GSK3B: variants seen among roughly 807,000 people sequenced by gnomAD.
GSK3B encodes the protein glycogen synthase kinase-3 beta.
A neutral mutation model predicts 56.4 loss-of-function variants in GSK3B; 15 were observed. The observed-to-expected ratio is 0.27, with a 90% CI of 0.18 to 0.41. The LOEUF (loss-of-function observed/expected upper bound fraction) is 0.41. Ranked by LOEUF, GSK3B falls within the 10% of genes least tolerant of loss-of-function variation. The probability of loss-of-function intolerance (pLI) is 1.00; values close to 1 mark genes in which losing one functional copy is unlikely to be tolerated. For missense variants in GSK3B, 300 were observed against 513.4 expected, an observed-to-expected ratio of 0.58 and a Z score of 4.02; for synonymous variants, 181 against 188.9, an observed-to-expected ratio of 0.96 and a Z score of 0.34.
At chr3:119,861,614 A>G (rs2056104359) in intron 9 of GSK3B, among the ~76,000 whole-genome samples, 1 of 152,226 alleles carries the variant, frequency 6.6e-6, no homozygotes, top group Non-Finnish European at 1.5e-5. Context: ...TTTATTGCAT[A>G]GAAACACTGT....
intron 3 of GSK3B, among the ~76,000 whole-genome samples, chr3:119,929,320 A>AT (rs2056920567): frequency 6.6e-6 from 1 of 152,174 alleles, no homozygotes; most frequent in South Asian, 2.1e-4. Context: ...TGTCAAAACC[A>AT]TTTTTTTAAC....
At chr3:120,029,784 T>A in intron 1 of GSK3B, 2 of 554,612 alleles carry the variant, frequency 3.6e-6, no homozygotes, top group South Asian at 2.8e-5. Context: ...TCATTAACTG[T>A]TTTGGAAGAA....
chr3:119,864,485 G>A (rs773615666), intron 8 of GSK3B, among the ~76,000 whole-genome samples: 4 of 152,138 alleles, frequency 2.6e-5, no homozygotes, highest in Non-Finnish European at 4.4e-5. Context: ...ATAAACAGAC[G>A]AGAAGCCTTT....
At chr3:119,983,051 T>C (rs910316611) in intron 2 of GSK3B, among the ~76,000 whole-genome samples, 3 of 152,186 alleles carry the variant, frequency 2.0e-5, no homozygotes, top group African/African-American at 7.2e-5. Flanking sequence ...GAGGCCAATA[T>C]TCAAAATTCT....
At chr3:119,953,937 A>G (rs2057184129) in intron 2 of GSK3B, among the ~76,000 whole-genome samples, 1 of 152,098 alleles carries the variant, frequency 6.6e-6, no homozygotes, top group Non-Finnish European at 1.5e-5. Flanking sequence ...CAGTTCATTG[A>G]TGTTATATAA....
intron 2 of GSK3B, among the ~76,000 whole-genome samples, chr3:119,969,248 C>T (rs556610351): frequency 1.4e-4 from 21 of 150,896 alleles, no homozygotes; most frequent in African/African-American, 4.6e-4. Context: ...GCCGAGATTG[C>T]GCCAACGTAC....
chr3:120,050,250 C>A (rs1358873594), intron 1 of GSK3B, among the ~76,000 whole-genome samples: 1 of 152,158 alleles, frequency 6.6e-6, no homozygotes, highest in Non-Finnish European at 1.5e-5. Context: ...AGGGATCCAC[C>A]CCCCATGAAA....
chr3:120,091,996 C>T (rs923232125), intron 1 of GSK3B, among the ~76,000 whole-genome samples: 7 of 152,042 alleles, frequency 4.6e-5, no homozygotes. Context: ...TCATGTTTTG[C>T]GTGTGTGTGG....
At chr3:119,853,817 T>G (rs2055975648) in intron 9 of GSK3B, among the ~76,000 whole-genome samples, 1 of 152,258 alleles carries the variant, frequency 6.6e-6, no homozygotes, top group African/African-American at 2.4e-5. Flanking sequence ...AAGGAGATTT[T>G]GGGCTGAGAC....
chr3:120,023,192 T>C (rs982051216), intron 1 of GSK3B, among the ~76,000 whole-genome samples: 12 of 151,172 alleles, frequency 7.9e-5, no homozygotes, highest in East Asian at 5.8e-4. Context: ...TGCAGAAGCA[T>C]TGAACACATA....
chr3:120,038,604 C>T (rs574891024), intron 1 of GSK3B, among the ~76,000 whole-genome samples: 3 of 152,156 alleles, frequency 2.0e-5, no homozygotes, highest in African/African-American at 4.8e-5. Flanking sequence ...CTAGAATAAG[C>T]GACCATCTAC....
intron 1 of GSK3B, among the ~76,000 whole-genome samples, chr3:120,032,544 T>G (rs992562707): frequency 1.3e-5 from 2 of 152,016 alleles, no homozygotes; most frequent in Non-Finnish European, 1.5e-5. Flanking sequence ...GCGGGAGCAG[T>G]GGCATGTTCC....
chr3:119,844,076 G>A (rs373836664), intron 9 of GSK3B, among the ~76,000 whole-genome samples: 17 of 152,104 alleles, frequency 1.1e-4, no homozygotes, highest in African/African-American at 3.9e-4. Flanking sequence ...AATGACTACT[G>A]GGTAAATAAC....
intron 1 of GSK3B, among the ~76,000 whole-genome samples, chr3:120,049,861 G>A (rs1004807292): frequency 6.6e-6 from 1 of 152,150 alleles, no homozygotes; most frequent in African/African-American, 2.4e-5. Flanking sequence ...TTCTGCCTTC[G>A]TAGCATAAAA....
intron 1 of GSK3B, among the ~76,000 whole-genome samples, chr3:120,031,504 G>C (rs2057975294): frequency 6.6e-6 from 1 of 152,320 alleles, no homozygotes; most frequent in South Asian, 2.1e-4. Context: ...GGGTAGTCAG[G>C]ACTCTGCTAC....
chr3:120,046,849 G>C (rs1294796060), intron 1 of GSK3B, among the ~76,000 whole-genome samples: 3 of 152,114 alleles, frequency 2.0e-5, no homozygotes, highest in Non-Finnish European at 1.5e-5. Flanking sequence ...AACCTCAAGT[G>C]ATCTGCCCGC....
chr3:120,082,385 C>CTTT (rs1173737285), intron 1 of GSK3B, among the ~76,000 whole-genome samples: 1,596 of 66,318 alleles, frequency 0.024, 314 homozygotes, highest in East Asian at 0.047. Flanking sequence ...TTAGTATGTT[C>CTTT]TTTTTTTTTT....
chr3:119,876,491 T>C lies in GSK3B; in HGVS notation c.831A>G (p.Thr277=). Reference sequence around the variant, plus strand: ...GGTTCATTTCTCTGATTTGCTCCCTTGTTGGAGTTCCCAGGACCTAGAAAG... The same window carrying C: ...GGTTCATTTCTCTGATTTGCTCCCTCGTTGGAGTTCCCAGGACCTAGAAAG... ...VEIIKVLGTP[T]REQIREMNPN... is the part of the protein sequence containing the mutation. Residue 277 remains threonine, a synonymous_variant, in exon 8 of 11, where the codon ACA becomes ACG. Transcript: ENST00000264235. 1 of 1,601,450 alleles carries C rather than the reference T, an allele frequency of 6.2e-7. No homozygotes were observed. The highest frequency in any genetic ancestry group is 8.6e-7 in the Non-Finnish European group (1 of 1,168,588).
chr3:120,001,946 T>C lies in GSK3B; in HGVS notation c.282+100A>G, dbSNP rs181601670. On this transcript the variant is annotated intron_variant, in intron 2 of 10. Transcript: ENST00000264235. Reference sequence around the variant, plus strand: ...TTGAGCTGAACAAAAATGCGCACAATAGAAGAAATTTGAAGCAAAAAGAAG... The same window carrying C: ...TTGAGCTGAACAAAAATGCGCACAACAGAAGAAATTTGAAGCAAAAAGAAG... 45 of 738,808 alleles carry C rather than the reference T, an allele frequency of 6.1e-5. No individual in the cohort carries two copies. In the Admixed American group the frequency reaches 7.7e-4, roughly 13 times the overall value. The allele number at this position is 738,808 out of a possible 1,614,324, so 45.8% of individuals were successfully genotyped here. A position where few individuals can be genotyped will look rare whatever the true frequency, so the allele number is the denominator to read the frequency against.
Sources: gnomAD v4.1 joint callset for allele counts (sites outside exome capture counted in the v4.1 genomes callset) on GRCh38, gnomAD v4.1.1 for gene constraint, MANE v1.5 for transcripts, NCBI Gene and HGNC (gene_info 2026-07-23, HGNC 2026-07-21) for gene names.